Variants in TSBP1 observed in about 807,000 individuals in gnomAD.
TSBP1 encodes testis-expressed basic protein 1.
In TSBP1, 56 loss-of-function variants were observed where a neutral mutation model predicts 68.8. The observed-to-expected ratio is 0.81, with a 90% CI of 0.66 to 1.02. The LOEUF (loss-of-function observed/expected upper bound fraction) is 1.02. Ranked by LOEUF, TSBP1 falls within the 50% of genes least tolerant of loss-of-function variation. TSBP1 has a pLI of 0.00. For missense variants in TSBP1, 502 were observed against 641.2 expected (o/e 0.78, Z 2.34); for synonymous variants, 171 against 208.7 (o/e 0.82, Z 1.56).
intron 9 of TSBP1, among the ~76,000 whole-genome samples, chr6:32,344,596 G>C (rs755147058): frequency 1.3e-5 from 2 of 151,944 alleles, no homozygotes; most frequent in Non-Finnish European, 2.9e-5. Context: ...AAAAGCATCA[G>C]CGTTAATCCC....
At chr6:32,355,710 T>C in intron 6 of TSBP1, 41 bp from the exon 7 acceptor site, 1 of 1,571,722 alleles carries the variant, frequency 6.4e-7, no homozygotes, top group African/African-American at 1.4e-5. Context: ...AATTTGGATA[T>C]TCTATTTCTG....
intron 8 of TSBP1, chr6:32,350,203 C>T (rs1425178689): frequency 2.2e-6 from 1 of 464,732 alleles, no homozygotes; most frequent in Non-Finnish European, 4.3e-6. Context: ...ACAATTACCA[C>T]CTAACTGCTT....
At chr6:32,354,260 A>G (rs1021394167) in intron 8 of TSBP1, among the ~76,000 whole-genome samples, 3 of 152,042 alleles carry the variant, frequency 2.0e-5, no homozygotes, top group Non-Finnish European at 4.4e-5. Flanking sequence ...TAATAGATAA[A>G]TGGGTAAAGT....
chr6:32,355,012 A>G, intron 8 of TSBP1, 112 bp downstream of exon 8: 1 of 808,638 alleles, frequency 1.2e-6, no homozygotes, highest in Non-Finnish European at 2.0e-6. Context: ...ACAAGTGTTA[A>G]TTATTTTTAT....
chr6:32,368,929 G>C, intron 2 of TSBP1, 115 bp from the exon 3 acceptor site: 1 of 1,241,248 alleles, frequency 8.1e-7, no homozygotes, highest in South Asian at 1.6e-5. Context: ...TGGTCCTCCT[G>C]ATATAATGCA....
chr6:32,349,602 G>T, intron 9 of TSBP1, 138 bp downstream of exon 9: 1 of 620,174 alleles, frequency 1.6e-6, no homozygotes, highest in South Asian at 2.1e-5. Flanking sequence ...TGGTTATGGA[G>T]AACAAAGAAA....
chr6:32,355,617 A>C (rs750000163), intron 7 of TSBP1, 32 bp downstream of exon 7: 1 of 1,591,284 alleles, frequency 6.3e-7, no homozygotes, highest in Admixed American at 1.7e-5. Context: ...AATAGGAAGC[A>C]AATTTTTGTT....
At position 32,365,363 on chromosome 6, in the gene TSBP1, A is replaced by G; in HGVS notation, c.217+804T>C. On this transcript the variant is annotated intron_variant, in intron 6 of 22. Transcript: ENST00000612031. The surrounding 1 kb of genome is among the most constrained non-coding windows in gnomAD (Gnocchi z 4.3). ...TGTGAGATGTTTCCTTTTGTTGTCCATGGTGGCTCATTTGGGGACTCAGCC... is the reference window on the plus strand; with the variant it reads ...TGTGAGATGTTTCCTTTTGTTGTCCGTGGTGGCTCATTTGGGGACTCAGCC... 4.4e-6 allele frequency: 2 copies of G among 457,236 alleles called. No homozygotes were observed. The highest frequency in any genetic ancestry group is 3.1e-5 in the South Asian group (2 of 64,572). The allele number at this position is 457,236 out of a possible 1,614,324, so 28.3% of individuals were successfully genotyped here.
chr6:32,325,553 T>G lies in TSBP1; in HGVS notation c.515-1939A>C, dbSNP rs1269699573. On this transcript the variant is annotated intron_variant, in intron 16 of 22. Transcript: ENST00000612031. This position sits in a 1 kb window ranked among gnomAD's most constrained non-coding sequence, Gnocchi z 4.4. ...TGAAAAAGATATATGCTGGTGGCAT[T>G]AAAGAAGACACTGAAGAAATCACCT... is the stretch of plus-strand genomic sequence containing the variant. The G allele has an allele frequency of 1.4e-5, 12 of 858,072 alleles. No homozygotes were observed. The highest frequency in any genetic ancestry group is 2.4e-5 in the Non-Finnish European group (12 of 506,304). The allele number at this position is 858,072 out of a possible 1,614,324, so 53.2% of individuals were successfully genotyped here.
At position 32,343,794 on chromosome 6, in the gene TSBP1, A is replaced by C. The variant is rs72843221; in HGVS notation, c.350-4156T>G. ...TCTTCTTTCTGAATATTCCTTAAAC[A>C]TTTTTTTCTTTAACGTACTGACCAT... On this transcript the variant is annotated intron_variant, in intron 9 of 22. Transcript: ENST00000612031. The surrounding 1 kb of genome is among the most constrained non-coding windows in gnomAD (Gnocchi z 4.3). 0.084 allele frequency among the ~76,000 whole-genome samples: 12,810 copies of C among 151,966 alleles called. 793 individuals carry two copies. Among genetic ancestry groups the C allele is most frequent in the East Asian group, 0.1 (522 of 5,178 alleles).
intron 22 of TSBP1, among the ~76,000 whole-genome samples, chr6:32,298,530 G>C (rs963586197): frequency 3.9e-5 from 6 of 152,078 alleles, no homozygotes; most frequent in African/African-American, 1.4e-4. Context: ...AGTGAGGCAA[G>C]ATTGTGCCAT....
At chr6:32,350,049 AT>A in intron 8 of TSBP1, 1 of 672,886 alleles carries the variant, frequency 1.5e-6, no homozygotes, top group Non-Finnish European at 2.7e-6. Flanking sequence ...ATCTGAGGAC[AT>A]TTTTCTGTCC....
At chr6:32,347,245 C>A (rs939361943) in intron 9 of TSBP1, among the ~76,000 whole-genome samples, 51 of 150,614 alleles carry the variant, frequency 3.4e-4, no homozygotes, top group African/African-American at 1.3e-3. Context: ...TTCACTGTAG[C>A]CTTGACCTCT....
chr6:32,322,131 G>A (rs1317671722), intron 18 of TSBP1, among the ~76,000 whole-genome samples: 1 of 152,172 alleles, frequency 6.6e-6, no homozygotes, highest in Non-Finnish European at 1.5e-5. Context: ...TGTTAGGTTT[G>A]CTTAAATCAT....
chr6:32,326,602 G>A (rs1237294878), intron 16 of TSBP1, among the ~76,000 whole-genome samples: 1 of 152,212 alleles, frequency 6.6e-6, no homozygotes, highest in Non-Finnish European at 1.5e-5. Flanking sequence ...AGATATGTTA[G>A]ACACTGCTGG....
Position 32,299,921 on chromosome 6 carries a change from C to G in TSBP1, c.637+1G>C, listed in dbSNP as rs998441844. 2 of 1,608,566 alleles carry G rather than the reference C, an allele frequency of 1.2e-6. No homozygotes were observed. Among genetic ancestry groups the G allele is most frequent in the South Asian group, 2.2e-5 (2 of 90,938 alleles). Reference sequence around the variant, plus strand: ...GAGTTGAGAATAGATATGGAACTTACCCACAGGAGTCAGTGCTAAAAACAA... The same window carrying G: ...GAGTTGAGAATAGATATGGAACTTAGCCACAGGAGTCAGTGCTAAAAACAA... On this transcript the variant is annotated splice_donor_variant, in intron 22 of 22. Coordinates refer to ENST00000612031, the Ensembl canonical transcript of TSBP1. LOFTEE classifies it high-confidence loss of function.
At chr6:32,351,887 T>C (rs1217767228) in intron 8 of TSBP1, among the ~76,000 whole-genome samples, 2 of 152,028 alleles carry the variant, frequency 1.3e-5, no homozygotes, top group Non-Finnish European at 2.9e-5. Flanking sequence ...ATCTTGAAAA[T>C]ATATTTACTT....
At chr6:32,310,284 G>A (rs1240958715) in intron 19 of TSBP1, among the ~76,000 whole-genome samples, 1 of 152,012 alleles carries the variant, frequency 6.6e-6, no homozygotes, top group East Asian at 1.9e-4. Flanking sequence ...CTGTCTGTGT[G>A]TTTTAAAGTT....
intron 19 of TSBP1, among the ~76,000 whole-genome samples, chr6:32,303,366 T>G (rs1246710780): frequency 1.3e-5 from 2 of 152,122 alleles, no homozygotes; most frequent in African/African-American, 4.8e-5. Flanking sequence ...TTCATACATA[T>G]GTAGAATTTC....
Sources: allele counts gnomAD v4.1 joint callset (sites outside exome capture counted in the v4.1 genomes callset), GRCh38; gene constraint gnomAD v4.1.1; non-coding constraint Gnocchi (gnomAD v3.1); transcripts MANE v1.5; gene names NCBI Gene and HGNC (gene_info 2026-07-23, HGNC 2026-07-21).